The following CDK13 variants were observed in gnomAD, a reference collection of about 807,000 sequenced individuals.
CDK13 encodes the protein cyclin dependent kinase 13.
In CDK13, 40 loss-of-function variants were observed where a neutral mutation model predicts 137.6. The ratio of observed to expected loss-of-function variants is 0.29; its 90% CI spans 0.23 to 0.38. The LOEUF (loss-of-function observed/expected upper bound fraction) is 0.38, where lower values mean the gene tolerates loss of function less well. Among genes scored for constraint, CDK13 ranks in the 10% least tolerant of loss-of-function variants. The pLI is 1.00. For missense variants in CDK13, 1,704 were observed against 1,951.8 expected (o/e 0.87, Z 2.39); for synonymous variants, 869 against 760.1 (o/e 1.14, Z -2.36).
chr7:39,984,050 A>G (rs1216283039), intron 1 of CDK13: 1 of 152,138 alleles, frequency 6.6e-6, no homozygotes, highest in Non-Finnish European at 1.5e-5. Context: ...AAACCTAATC[A>G]TCATTTTGTT....
rs1197375502 is a variant in CDK13 at position 40,096,493 on chromosome 7, T to G, written c.*1513T>G. The G allele has an allele frequency of 1.3e-5, 2 of 152,184 alleles. No homozygotes were observed. Among genetic ancestry groups the G allele is most frequent in the Non-Finnish European group, 2.9e-5 (2 of 68,016 alleles). 9.4% of individuals were successfully genotyped at this position (152,184 alleles called of 1,614,324 possible). ...GAACCAAAGGTAAATAACCAGTGTT[T>G]CCATTATCACTAAATGGAAAAATTG... On this transcript the variant is annotated 3_prime_UTR_variant, in exon 14 of 14. Transcript: ENST00000181839.
intron 1 of CDK13, among the ~76,000 whole-genome samples, chr7:39,957,024 T>G (rs1331713407): frequency 1.3e-5 from 2 of 152,098 alleles, no homozygotes; most frequent in African/African-American, 4.8e-5. Context: ...TAAGAGACAC[T>G]CCAAACTCTC....
intron 7 of CDK13, 149 bp downstream of exon 7, chr7:40,048,026 G>A (rs1441335067): frequency 2.0e-6 from 1 of 490,820 alleles, no homozygotes; most frequent in Non-Finnish European, 3.6e-6. Flanking sequence ...ATACCATATT[G>A]GGTTGATTAT....
chr7:40,036,058 G>A (rs1785475393), intron 5 of CDK13, among the ~76,000 whole-genome samples: 2 of 151,856 alleles, frequency 1.3e-5, no homozygotes, highest in Non-Finnish European at 2.9e-5. Context: ...CAGCTGCTGG[G>A]GTGGCTGAGG....
chr7:40,067,740 G>A (rs536105529), intron 9 of CDK13: 4 of 152,284 alleles, frequency 2.6e-5, no homozygotes, highest in South Asian at 4.2e-4. Context: ...CTTGAGGCCA[G>A]GAGTCTGAAA....
intron 1 of CDK13, among the ~76,000 whole-genome samples, chr7:39,968,689 C>A (rs1783927118): frequency 6.6e-6 from 1 of 152,188 alleles, no homozygotes; most frequent in Non-Finnish European, 1.5e-5. Context: ...GTACCATACT[C>A]TTTGGATTAA....
chr7:39,980,323 G>A (rs763502259), intron 1 of CDK13, among the ~76,000 whole-genome samples: 1 of 152,158 alleles, frequency 6.6e-6, no homozygotes, highest in Non-Finnish European at 1.5e-5. Context: ...ATAATTTCAG[G>A]AACTGGTGAG....
intron 2 of CDK13, among the ~76,000 whole-genome samples, chr7:39,993,805 G>T (rs1784510078): frequency 6.6e-6 from 1 of 151,804 alleles, no homozygotes; most frequent in Admixed American, 6.6e-5. Context: ...ATTTTTATAG[G>T]ATAGTTACAT....
rs1225471968 is a variant in CDK13, at chr7:39,950,740, C to T, written c.99C>T (p.Ser33=). 1.4e-5 allele frequency: 20 copies of T among 1,471,894 alleles called. No individual in the cohort carries two copies. The highest frequency in any genetic ancestry group is 2.4e-4 in the Middle Eastern group (1 of 4,228). The allele number at this position is 1,471,894 out of a possible 1,614,324, so 91.2% of individuals were successfully genotyped here. Residue 33 remains serine (S), a synonymous_variant, in exon 1 of 14, where the codon TCC becomes TCT. Transcript: ENST00000181839. ...GCCGCAAGCGGAGGCGATTCCTGTC[C>T]CCTCAGCAGCCGCCGCTGCTGTTGC... is the stretch of plus-strand genomic sequence containing the variant. ...EERRKRRRFL[S]PQQPPLLLPL... is the part of the protein sequence containing the mutation.
intron 5 of CDK13, among the ~76,000 whole-genome samples, chr7:40,032,762 T>C (rs1005614848): frequency 7.9e-5 from 12 of 152,262 alleles, no homozygotes; most frequent in South Asian, 6.2e-4. Flanking sequence ...GTTTTTTTTT[T>C]CCCACTGATA....
At position 39,951,019 on chromosome 7, in the gene CDK13, G is replaced by A. The variant is rs981125272; in HGVS notation, c.378G>A (p.Pro126=). Residue 126 remains proline, a synonymous_variant, in exon 1 of 14, where the codon CCG becomes CCA. Coordinates refer to ENST00000181839, the MANE Select transcript of CDK13 (RefSeq NM_003718.5). Reference sequence around the variant, plus strand: ...GTCGGGTCTTCTCGCTGCCCCAGCCGCAGCAGGACGGCGGTGGCGGTGCTA... The same window carrying A: ...GTCGGGTCTTCTCGCTGCCCCAGCCACAGCAGGACGGCGGTGGCGGTGCTA... ...EKRRVFSLPQ[P]QQDGGGGASS... 21 of 1,298,606 alleles carry A rather than the reference G, an allele frequency of 1.6e-5. No homozygotes were observed. Among genetic ancestry groups the A allele is most frequent in the East Asian group, 3.1e-5 (1 of 31,892 alleles). The allele number at this position is 1,298,606 out of a possible 1,614,324, so 80.4% of individuals were successfully genotyped here.
intron 2 of CDK13, among the ~76,000 whole-genome samples, chr7:39,989,549 A>G (rs1784414253): frequency 6.6e-6 from 1 of 152,168 alleles, no homozygotes; most frequent in Non-Finnish European, 1.5e-5. Context: ...GTGCCTTTTT[A>G]AAAATAATCA....
chr7:39,951,409 C>T lies in CDK13; in HGVS notation c.768C>T (p.Gly256=), dbSNP rs1006924245. 39 of 1,525,270 alleles carry T rather than the reference C, an allele frequency of 2.6e-5. No individual in the cohort carries two copies. The highest frequency in any genetic ancestry group is 3.3e-5 in the Non-Finnish European group (38 of 1,138,890). 94.5% of individuals were successfully genotyped at this position (1,525,270 alleles called of 1,614,324 possible). ...GCGGCAGCAGCAGCAGCAGCGGCGG[C>T]CGCCGGAAAAGCGCTTCGGCCACAT... ...AKSGSSSSSG[G]RRKSASATSS... The change falls in exon 1 of 14, where the codon GGC becomes GGT. Residue 256 remains glycine (G), a synonymous_variant. Transcript: ENST00000181839.
intron 5 of CDK13, among the ~76,000 whole-genome samples, chr7:40,023,745 A>G (rs559452218): frequency 2.6e-5 from 4 of 152,002 alleles, no homozygotes; most frequent in Admixed American, 1.3e-4. Context: ...TCGGCCTCCC[A>G]AAGTGCTGAG....
In CDK13 at chr7:39,950,614, C is replaced by T; in HGVS notation, c.-28C>T. On this transcript the variant is annotated 5_prime_UTR_variant, in exon 1 of 14. Transcript: ENST00000181839. Reference sequence around the variant, plus strand: ...CTGACCCGGGAGGAGGCCGCACCCGCGCCGCGCTCTGCGGCTGGCTCTAGG... The same window carrying T: ...CTGACCCGGGAGGAGGCCGCACCCGTGCCGCGCTCTGCGGCTGGCTCTAGG... 1.5e-6 allele frequency: 2 copies of T among 1,290,544 alleles called. No homozygotes were observed. The highest frequency in any genetic ancestry group is 2.0e-6 in the Non-Finnish European group (2 of 1,019,510). The allele number at this position is 1,290,544 out of a possible 1,614,324, so 79.9% of individuals were successfully genotyped here.
At position 39,951,428 on chromosome 7, in the gene CDK13, G is replaced by C. The variant is rs1583893333; in HGVS notation, c.787G>C (p.Ala263Pro). The C allele has an allele frequency of 2.6e-6, 4 of 1,530,948 alleles. No homozygotes were observed. Among genetic ancestry groups the C allele is most frequent in the Non-Finnish European group, 3.5e-6 (4 of 1,140,284 alleles). 94.8% of individuals were successfully genotyped at this position (1,530,948 alleles called of 1,614,324 possible). Residue 263 changes from alanine to proline, a missense_variant, in exon 1 of 14, where the codon GCC becomes CCC. Physicochemically the swap from Ala to Pro is conservative, Grantham distance 27. Coordinates refer to ENST00000181839, the MANE Select transcript of CDK13 (RefSeq NM_003718.5). ...SSGGRRKSAS[A>P]TSSSSSSRKD... ...CGGCGGCCGCCGGAAAAGCGCTTCG[G>C]CCACATCCAGCAGCAGTAGCAGCCG... is the stretch of plus-strand genomic sequence containing the variant.
chr7:40,042,882 GTCC>G (rs987492589), intron 5 of CDK13, among the ~76,000 whole-genome samples: 20 of 151,446 alleles, frequency 1.3e-4, no homozygotes, highest in Middle Eastern at 3.4e-3. Context: ...GGCTCAAGTA[GTCC>G]TCCTGCCTCA....
At chr7:39,959,841 G>T (rs1583907903) in intron 1 of CDK13, among the ~76,000 whole-genome samples, 11 of 123,950 alleles carry the variant, frequency 8.9e-5, no homozygotes, top group South Asian at 2.6e-4. Flanking sequence ...CTACTAACTT[G>T]TTTTTTTTTT....
intron 5 of CDK13, among the ~76,000 whole-genome samples, chr7:40,011,391 T>C (rs185151159): frequency 1.0e-3 from 152 of 152,292 alleles, no homozygotes; most frequent in Admixed American, 1.9e-3. Flanking sequence ...AAAATCTTCC[T>C]ACAAAGCTAG....
Sources: allele counts gnomAD v4.1 joint callset (sites outside exome capture counted in the v4.1 genomes callset), GRCh38; gene constraint gnomAD v4.1.1; transcripts MANE v1.5; gene names NCBI Gene and HGNC (gene_info 2026-07-23, HGNC 2026-07-21).